Variants in TNS3 observed in about 807,000 individuals in gnomAD.
The protein encoded by TNS3 is tensin 3.
TNS3 carries 45 observed loss-of-function variants against 140.9 expected under a neutral mutation model. The observed-to-expected ratio is 0.32, with a 90% confidence interval of 0.25 to 0.41. TNS3 has a LOEUF of 0.41. TNS3 is among the 10% of genes least tolerant of loss of function. The pLI is 1.00. For synonymous variants in TNS3, 815 were observed against 788.4 expected, an observed-to-expected ratio of 1.03 and a Z score of -0.56; for missense variants, 1,716 against 1,906.7, an observed-to-expected ratio of 0.90 and a Z score of 1.86.
chr7:47,404,605 G>A (rs1434539293), intron 13 of TNS3, among the ~76,000 whole-genome samples: 2 of 151,244 alleles, frequency 1.3e-5, no homozygotes, highest in South Asian at 2.1e-4. Context: ...GCCTGTGCCC[G>A]GCCGGGCGCG....
chr7:47,386,015 A>G (rs1792050827), intron 16 of TNS3, among the ~76,000 whole-genome samples: 1 of 152,278 alleles, frequency 6.6e-6, no homozygotes, highest in Non-Finnish European at 1.5e-5. Flanking sequence ...ACTGACAAAA[A>G]TAAATACTAT....
intron 1 of TNS3, among the ~76,000 whole-genome samples, chr7:47,530,012 T>TAA (rs2151941255): frequency 6.6e-6 from 1 of 152,382 alleles, no homozygotes; most frequent in Admixed American, 6.5e-5. Flanking sequence ...CAATTTCTTA[T>TAA]AAACTTAAAC....
intron 28 of TNS3, among the ~76,000 whole-genome samples, chr7:47,281,185 A>G (rs12702332): frequency 0.39 from 58,606 of 152,086 alleles, 11,840 homozygotes; most frequent in Non-Finnish European, 0.45. Context: ...ATATTCCTTA[A>G]GGAAGGACTC....
chr7:47,564,713 G>A (rs1800393966), intron 1 of TNS3, among the ~76,000 whole-genome samples: 1 of 124,226 alleles, frequency 8.0e-6, no homozygotes. Context: ...ATATATATAT[G>A]CGTATATACA....
intron 3 of TNS3, among the ~76,000 whole-genome samples, chr7:47,483,344 T>C (rs1252925279): frequency 2.0e-5 from 3 of 152,084 alleles, no homozygotes; most frequent in Non-Finnish European, 4.4e-5. Context: ...TAATTTTTTG[T>C]ATTTTTAGTA....
At chr7:47,398,764 A>C (rs1041629164) in intron 15 of TNS3, among the ~76,000 whole-genome samples, 4 of 152,210 alleles carry the variant, frequency 2.6e-5, no homozygotes, top group African/African-American at 4.8e-5. Context: ...AAGTGTAACA[A>C]GACAAGGATG....
At chr7:47,397,511 G>A (rs952550052) in intron 15 of TNS3, among the ~76,000 whole-genome samples, 2 of 151,982 alleles carry the variant, frequency 1.3e-5, no homozygotes, top group African/African-American at 4.8e-5. Flanking sequence ...TATTTTTTAG[G>A]GAAAAAAATT....
intron 4 of TNS3, among the ~76,000 whole-genome samples, chr7:47,460,212 CAAAAAAAAAAAAAAA>C (rs10526565): frequency 2.6e-5 from 3 of 115,034 alleles, no homozygotes; most frequent in Admixed American, 8.6e-5. Flanking sequence ...GACTCTGTCC[CAAAAAAAAAAAAAAA>C]AAAAAAAAAA....
At chr7:47,572,469 T>C (rs1800579542) in intron 1 of TNS3, among the ~76,000 whole-genome samples, 1 of 152,170 alleles carries the variant, frequency 6.6e-6, no homozygotes, top group Non-Finnish European at 1.5e-5. Context: ...ACCATTCCAG[T>C]TGTCGCAAAA....
chr7:47,324,769 T>G (rs1482066639), intron 20 of TNS3, among the ~76,000 whole-genome samples: 1 of 152,204 alleles, frequency 6.6e-6, no homozygotes, highest in Non-Finnish European at 1.5e-5. Flanking sequence ...GAATAAATAT[T>G]TTTTAAAAGT....
chr7:47,345,828 A>G (rs1257709180), intron 18 of TNS3, among the ~76,000 whole-genome samples: 3 of 152,220 alleles, frequency 2.0e-5, no homozygotes, highest in Admixed American at 1.3e-4. Flanking sequence ...GGCCAGGCCT[A>G]TAAGAGCCCT....
intron 4 of TNS3, among the ~76,000 whole-genome samples, chr7:47,445,820 A>G (rs1459332968): frequency 6.6e-6 from 1 of 152,230 alleles, no homozygotes. Flanking sequence ...AGTTTCTGAA[A>G]TACTGTGCTT....
At chr7:47,315,462 T>A (rs569731253) in intron 20 of TNS3, among the ~76,000 whole-genome samples, 1 of 152,328 alleles carries the variant, frequency 6.6e-6, no homozygotes. Flanking sequence ...TCATTTCCTT[T>A]ACCCAGAACA....
chr7:47,472,857 C>T (rs946026666), intron 4 of TNS3, among the ~76,000 whole-genome samples: 4 of 152,194 alleles, frequency 2.6e-5, no homozygotes, highest in Non-Finnish European at 4.4e-5. Context: ...GACCCTGAGC[C>T]GTTGTTGTTC....
intron 16 of TNS3, among the ~76,000 whole-genome samples, chr7:47,383,171 A>C (rs1228309561): frequency 6.6e-6 from 1 of 152,246 alleles, no homozygotes; most frequent in Non-Finnish European, 1.5e-5. Context: ...CCAAATGCAC[A>C]CCAGCTAACA....
intron 4 of TNS3, among the ~76,000 whole-genome samples, chr7:47,458,672 C>G (rs933535609): frequency 1.3e-5 from 2 of 152,206 alleles, no homozygotes; most frequent in Admixed American, 6.5e-5. Flanking sequence ...GCAGTCCCCC[C>G]ATCCCTTCCC....
chr7:47,499,810 T>C (rs759842332), intron 3 of TNS3, among the ~76,000 whole-genome samples: 2 of 152,060 alleles, frequency 1.3e-5, no homozygotes, highest in Non-Finnish European at 2.9e-5. Flanking sequence ...TCCAAACCCA[T>C]GGAATGTACA....
At chr7:47,532,670 A>G (rs1322214571) in intron 1 of TNS3, among the ~76,000 whole-genome samples, 2 of 152,110 alleles carry the variant, frequency 1.3e-5, no homozygotes, top group Non-Finnish European at 2.9e-5. Flanking sequence ...CCGTCTGCCT[A>G]TCTCATTCTT....
intron 20 of TNS3, among the ~76,000 whole-genome samples, chr7:47,331,464 C>T (rs1242095055): frequency 6.6e-6 from 1 of 152,170 alleles, no homozygotes; most frequent in African/African-American, 2.4e-5. Context: ...ACCTCAGCGA[C>T]ACTGGGACTT....
Sources: allele counts gnomAD v4.1 joint callset (sites outside exome capture counted in the v4.1 genomes callset), GRCh38; gene constraint gnomAD v4.1.1; transcripts MANE v1.5; gene names NCBI Gene and HGNC (gene_info 2026-07-23, HGNC 2026-07-21).